The following POU2F1 variants were observed in gnomAD, a reference collection of about 807,000 sequenced individuals.
The protein encoded by POU2F1 is POU class 2 homeobox 1, also known as POU domain, class 2, transcription factor 1.
POU2F1 carries 16 observed loss-of-function variants against 84.9 expected under a neutral mutation model. The ratio of observed to expected loss-of-function variants is 0.19; its 90% CI spans 0.13 to 0.29. The LOEUF is 0.29. POU2F1 is among the 10% of genes least tolerant of loss of function. POU2F1 has a pLI of 1.00. For synonymous variants in POU2F1, 368 were observed against 368.3 expected, an observed-to-expected ratio of 1.00 and a Z score of 0.01; for missense variants, 738 against 942.6, an observed-to-expected ratio of 0.78 and a Z score of 2.84.
rs767465426 is a variant in POU2F1, at chr1:167,391,158, T to G, written c.987+1397T>G. Reference sequence around the variant, plus strand: ...TCTCGCTATGTTGGCCAGGTTGGTCTTGAACTCTTGGCCTCAATCAACCCT... The same window carrying G: ...TCTCGCTATGTTGGCCAGGTTGGTCGTGAACTCTTGGCCTCAATCAACCCT... On this transcript the variant is annotated intron_variant, in intron 9 of 15. Transcript: ENST00000367866. Among the ~76,000 whole-genome samples the G allele has an allele frequency of 2.0e-5, 3 of 152,218 alleles. 1 individual carries two copies. The highest frequency in any genetic ancestry group is 4.4e-5 in the Non-Finnish European group (3 of 68,050).
intron 15 of POU2F1, chr1:167,414,193 C>T (rs114288529): frequency 0.017 from 7,274 of 427,114 alleles, 88 homozygotes; most frequent in Middle Eastern, 0.026. Context: ...CTAAATCATA[C>T]CTGAATTGGT....
chr1:167,322,654 A>G (rs1328156398), intron 1 of POU2F1, among the ~76,000 whole-genome samples: 1 of 152,244 alleles, frequency 6.6e-6, no homozygotes, highest in East Asian at 1.9e-4. Flanking sequence ...CAGTGGCGCT[A>G]GAGGAATTAA....
chr1:167,380,339 C>T (rs567774201), intron 7 of POU2F1: 12 of 152,198 alleles, frequency 7.9e-5, no homozygotes, highest in Non-Finnish European at 1.6e-4. Flanking sequence ...ACATAGTAAC[C>T]TTTCTAAATC....
intron 1 of POU2F1, among the ~76,000 whole-genome samples, chr1:167,233,487 A>C (rs1649220384): frequency 6.6e-6 from 1 of 152,168 alleles, no homozygotes; most frequent in African/African-American, 2.4e-5. Flanking sequence ...GGATGCCTGC[A>C]GTACAACAGT....
At chr1:167,275,429 T>C (rs1652661876) in intron 1 of POU2F1, among the ~76,000 whole-genome samples, 1 of 152,198 alleles carries the variant, frequency 6.6e-6, no homozygotes, top group Non-Finnish European at 1.5e-5. Flanking sequence ...ACTTTAAATG[T>C]ACATCATTCT....
intron 2 of POU2F1, among the ~76,000 whole-genome samples, chr1:167,350,998 CA>C (rs909280841): frequency 1.5e-4 from 22 of 146,366 alleles, no homozygotes; most frequent in African/African-American, 4.3e-4. Context: ...AACTCCATCT[CA>C]AAAAAAAAAG....
At chr1:167,395,684 C>T (rs751509233) in intron 9 of POU2F1, among the ~76,000 whole-genome samples, 5 of 151,962 alleles carry the variant, frequency 3.3e-5, no homozygotes, top group South Asian at 2.1e-4. Context: ...GGCTTGCTAC[C>T]GCCTTGACCT....
intron 3 of POU2F1, among the ~76,000 whole-genome samples, chr1:167,368,905 C>T (rs1329673625): frequency 6.6e-6 from 1 of 152,174 alleles, no homozygotes; most frequent in African/African-American, 2.4e-5. Context: ...TTCTCTGTCC[C>T]TGTTAGTGGT....
At chr1:167,343,181 G>T (rs969015450) in intron 2 of POU2F1, among the ~76,000 whole-genome samples, 2 of 152,066 alleles carry the variant, frequency 1.3e-5, no homozygotes, top group African/African-American at 2.4e-5. Flanking sequence ...GGAGAAGGGC[G>T]CTATAATTAC....
rs1322291551 is a variant in POU2F1 at position 167,422,732 on chromosome 1, G to C, written c.*6922G>C. On this transcript the variant is annotated 3_prime_UTR_variant, in exon 16 of 16. Coordinates refer to ENST00000367866, the MANE Select transcript of POU2F1 (RefSeq NM_002697.4). The stretch of plus-strand genomic sequence containing the variant: ...TAAATGATCCCACAGAACTTAAGTG[G>C]GATTTGGTTTAGATACCAAAGACAC... The C allele has an allele frequency of 2.0e-5, 3 of 152,084 alleles. No homozygotes were observed. The highest frequency in any genetic ancestry group is 7.2e-5 in the African/African-American group (3 of 41,404). 9.4% of individuals were successfully genotyped at this position (152,084 alleles called of 1,614,324 possible). A position where few individuals can be genotyped will look rare whatever the true frequency, so the allele number is the denominator to read the frequency against.
chr1:167,269,930 G>A (rs1375704816), intron 1 of POU2F1, among the ~76,000 whole-genome samples: 5 of 125,910 alleles, frequency 4.0e-5, no homozygotes, highest in East Asian at 2.6e-4. Context: ...AAAAAAAAAA[G>A]AGTAAGAGTC....
intron 4 of POU2F1, among the ~76,000 whole-genome samples, 155 bp from the exon 5 acceptor site, chr1:167,371,762 G>A (rs1660013986): frequency 6.6e-6 from 1 of 152,176 alleles, no homozygotes; most frequent in Admixed American, 6.5e-5. Flanking sequence ...CTTGGTATGT[G>A]AAACTAGGAA....
intron 8 of POU2F1, among the ~76,000 whole-genome samples, chr1:167,387,406 C>T (rs754779683): frequency 2.0e-5 from 3 of 152,120 alleles, no homozygotes; most frequent in Non-Finnish European, 4.4e-5. Flanking sequence ...GGTTGGTGCT[C>T]GTTTTGGCTC....
At chr1:167,332,342 C>T (rs769352507) in intron 1 of POU2F1, 128 bp from the exon 2 acceptor site, 17 of 618,760 alleles carry the variant, frequency 2.7e-5, no homozygotes, top group Non-Finnish European at 4.3e-5. Flanking sequence ...GACATGTATA[C>T]ACTGGGTCTT....
rs943026577 is a variant in POU2F1 at position 167,343,063 on chromosome 1, T to C, written c.127+10528T>C. Among the ~76,000 whole-genome samples the C allele has an allele frequency of 6.6e-5, 10 of 152,096 alleles. No individual in the cohort carries two copies. The East Asian group carries it at 1.9e-3, about 29-fold the overall frequency. ...TTTAATAGATGTCAGTTACAGGATATGGCTTCTACAAGATTCTGATCAGTA... is the reference window on the plus strand; with the variant it reads ...TTTAATAGATGTCAGTTACAGGATACGGCTTCTACAAGATTCTGATCAGTA... On this transcript the variant is annotated intron_variant, in intron 2 of 15. Coordinates refer to ENST00000367866, the MANE Select transcript of POU2F1 (RefSeq NM_002697.4).
rs573832955 is a variant in POU2F1, at chr1:167,345,544, A to C, written c.127+13009A>C. 4.6e-5 allele frequency among the ~76,000 whole-genome samples: 7 copies of C among 152,292 alleles called. No individual in the cohort carries two copies. In the East Asian group the frequency reaches 1.4e-3, roughly 29 times the overall value. ...AGTTAGGAAGGCTGACATCAGATAA[A>C]CTCAGAAGGTAAAGAGCATTCATTG... On this transcript the variant is annotated intron_variant, in intron 2 of 15. Coordinates refer to ENST00000367866, the MANE Select transcript of POU2F1 (RefSeq NM_002697.4).
intron 2 of POU2F1, among the ~76,000 whole-genome samples, chr1:167,341,781 C>T (rs745317466): frequency 6.6e-6 from 1 of 152,128 alleles, no homozygotes. Context: ...AGTCCTTGTG[C>T]GGCGTCCAGG....
At chr1:167,409,218 G>A (rs1649792135) in intron 13 of POU2F1, among the ~76,000 whole-genome samples, 1 of 152,098 alleles carries the variant, frequency 6.6e-6, no homozygotes, top group African/African-American at 2.4e-5. Context: ...CACAGTGTAA[G>A]GTAAAGATCT....
intron 1 of POU2F1, among the ~76,000 whole-genome samples, chr1:167,284,546 C>T (rs962901748): frequency 3.3e-5 from 5 of 152,132 alleles, no homozygotes; most frequent in African/African-American, 9.7e-5. Flanking sequence ...CGAAAATATT[C>T]TACTGTATTC....
Sources: gnomAD v4.1 joint callset for allele counts (sites outside exome capture counted in the v4.1 genomes callset) on GRCh38, gnomAD v4.1.1 for gene constraint, MANE v1.5 for transcripts, NCBI Gene and HGNC (gene_info 2026-07-23, HGNC 2026-07-21) for gene names.